The following CPQ variants were observed in gnomAD, a reference collection of about 807,000 sequenced individuals.
CPQ encodes the protein Ser-Met dipeptidase.
In CPQ, 37 loss-of-function variants were observed where a neutral mutation model predicts 45.7. The observed-to-expected ratio is 0.81, with a 90% CI of 0.62 to 1.07. CPQ has a LOEUF of 1.07. Among genes scored for constraint, CPQ ranks in the 50% least tolerant of loss-of-function variants. CPQ has a pLI of 0.00. For synonymous variants in CPQ, 186 were observed against 205.8 expected, an observed-to-expected ratio of 0.90 and a Z score of 0.82; for missense variants, 537 against 572.9, an observed-to-expected ratio of 0.94 and a Z score of 0.64.
chr8:96,691,226 T>A (rs1273041593), intron 1 of CPQ, among the ~76,000 whole-genome samples: 1 of 152,176 alleles, frequency 6.6e-6, no homozygotes, highest in Non-Finnish European at 1.5e-5. Flanking sequence ...CTCCAGATGT[T>A]TCTTGGCTTG....
chr8:96,719,071 T>C (rs991085213), intron 1 of CPQ, among the ~76,000 whole-genome samples: 1 of 152,228 alleles, frequency 6.6e-6, no homozygotes, highest in Non-Finnish European at 1.5e-5. Context: ...CTGCCAGTCC[T>C]GTGCTGTGCG....
At chr8:96,650,541 A>G (rs2130702891) in intron 1 of CPQ, among the ~76,000 whole-genome samples, 1 of 152,366 alleles carries the variant, frequency 6.6e-6, no homozygotes, top group East Asian at 1.9e-4. Flanking sequence ...CAGACGGCTC[A>G]GATCCCATGG....
chr8:96,725,033 C>A (rs62507278), intron 1 of CPQ, among the ~76,000 whole-genome samples: 1 of 152,090 alleles, frequency 6.6e-6, no homozygotes, highest in Non-Finnish European at 1.5e-5. Flanking sequence ...TAGCCATATG[C>A]AGAGAATGAA....
intron 1 of CPQ, among the ~76,000 whole-genome samples, chr8:96,758,186 T>G (rs1810351147): frequency 6.6e-6 from 1 of 152,180 alleles, no homozygotes; most frequent in South Asian, 2.1e-4. Flanking sequence ...TTAGCAAAAG[T>G]AAAATAAGTA....
At chr8:96,734,183 C>A (rs1483626678) in intron 1 of CPQ, among the ~76,000 whole-genome samples, 1 of 152,196 alleles carries the variant, frequency 6.6e-6, no homozygotes, top group Non-Finnish European at 1.5e-5. Flanking sequence ...TACACTCCAT[C>A]TTCCAAAATT....
At chr8:96,687,432 C>T (rs2514776) in intron 1 of CPQ, among the ~76,000 whole-genome samples, 107,010 of 152,006 alleles carry the variant, frequency 0.7, 38,110 homozygotes, top group Middle Eastern at 0.82. Context: ...AGGCTGGTCT[C>T]GAACTTCGCC....
chr8:96,878,611 T>A (rs577445219), intron 3 of CPQ, among the ~76,000 whole-genome samples: 2 of 152,284 alleles, frequency 1.3e-5, no homozygotes, highest in South Asian at 4.1e-4. Flanking sequence ...TACATTGCAG[T>A]TTCTCTAAGT....
At chr8:96,658,865 C>T (rs1228904299) in intron 1 of CPQ, among the ~76,000 whole-genome samples, 4 of 152,214 alleles carry the variant, frequency 2.6e-5, no homozygotes, top group Non-Finnish European at 1.5e-5. Context: ...TCTCCTAAAG[C>T]TTCCAGAAAG....
At chr8:96,908,747 G>GCGCACA (rs149476038) in intron 4 of CPQ, among the ~76,000 whole-genome samples, 1,553 of 140,988 alleles carry the variant, frequency 0.011, 23 homozygotes, top group South Asian at 0.029. Context: ...ATACACATGC[G>GCGCACA]CACACACACA....
At position 96,740,710 on chromosome 8, in the gene CPQ, A is replaced by G. The variant is rs1205748009; in HGVS notation, c.-34-44154A>G. Among the ~76,000 whole-genome samples the G allele has an allele frequency of 3.3e-5, 5 of 152,202 alleles. No individual in the cohort carries two copies. In the East Asian group the frequency reaches 5.8e-4, roughly 18 times the overall value. On this transcript the variant is annotated intron_variant, in intron 1 of 7. Transcript: ENST00000220763. ...TTTGTCAAAGGCCTTTTATGCATCT[A>G]TTGAGATAATCATGTGGTTTTTGTC...
intron 1 of CPQ, among the ~76,000 whole-genome samples, chr8:96,667,775 T>G (rs1192951754): frequency 6.6e-6 from 1 of 152,180 alleles, no homozygotes; most frequent in Admixed American, 6.5e-5. Flanking sequence ...GCCAACTAAA[T>G]ATTAGCTATC....
chr8:96,936,144 C>G (rs539039896), intron 4 of CPQ, among the ~76,000 whole-genome samples: 5 of 152,196 alleles, frequency 3.3e-5, no homozygotes, highest in African/African-American at 9.6e-5. Context: ...GAAGTGCTTG[C>G]ATTCCCTCAC....
intron 4 of CPQ, among the ~76,000 whole-genome samples, chr8:96,893,058 C>A (rs980666362): frequency 6.6e-6 from 1 of 152,152 alleles, no homozygotes; most frequent in Non-Finnish European, 1.5e-5. Context: ...GTCAAACAAG[C>A]AATGCTGTTA....
intron 5 of CPQ, among the ~76,000 whole-genome samples, chr8:96,998,129 G>A (rs953793714): frequency 2.6e-5 from 4 of 151,666 alleles, no homozygotes; most frequent in African/African-American, 2.4e-5. Flanking sequence ...ATCATCATAC[G>A]GTGGCATGAT....
At chr8:97,070,023 A>G (rs1810712520) in intron 7 of CPQ, among the ~76,000 whole-genome samples, 1 of 152,216 alleles carries the variant, frequency 6.6e-6, no homozygotes, top group African/African-American at 2.4e-5. Context: ...TCTATAATGG[A>G]CAGAATAACT....
At chr8:96,763,115 C>T (rs962299555) in intron 1 of CPQ, among the ~76,000 whole-genome samples, 9 of 152,070 alleles carry the variant, frequency 5.9e-5, no homozygotes, top group African/African-American at 1.9e-4. Context: ...CTTTCCTCTT[C>T]TTATAAAGAC....
chr8:96,710,648 G>A (rs547465367), intron 1 of CPQ, among the ~76,000 whole-genome samples: 1 of 152,174 alleles, frequency 6.6e-6, no homozygotes, highest in South Asian at 2.1e-4. Flanking sequence ...ATGTATTTGT[G>A]TAGTTTTGAG....
At chr8:96,780,553 A>G (rs1810672363) in intron 1 of CPQ, among the ~76,000 whole-genome samples, 1 of 152,182 alleles carries the variant, frequency 6.6e-6, no homozygotes, top group Non-Finnish European at 1.5e-5. Context: ...AAAATCAATA[A>G]TAACACATTT....
intron 1 of CPQ, among the ~76,000 whole-genome samples, chr8:96,744,435 T>A (rs909563626): frequency 2.0e-5 from 3 of 152,248 alleles, no homozygotes; most frequent in Admixed American, 2.0e-4. Context: ...ATCACCTGTC[T>A]TCTGCGTCGG....
Sources: gnomAD v4.1 joint callset for allele counts (sites outside exome capture counted in the v4.1 genomes callset) on GRCh38, gnomAD v4.1.1 for gene constraint, MANE v1.5 for transcripts, NCBI Gene and HGNC (gene_info 2026-07-23, HGNC 2026-07-21) for gene names.